ATP9B: variants seen among roughly 807,000 people sequenced by gnomAD.
ATP9B encodes the protein ATPase phospholipid transporting 9B, also known as probable phospholipid-transporting ATPase IIB.
Under a neutral mutation model 146.1 loss-of-function variants are expected in ATP9B, and 110 were observed. The ratio of observed to expected loss-of-function variants is 0.75; its 90% CI spans 0.65 to 0.88. The LOEUF (loss-of-function observed/expected upper bound fraction) is 0.88. Among genes scored for constraint, ATP9B ranks in the 40% least tolerant of loss-of-function variants. The pLI is 0.00. For missense variants in ATP9B, 1,499 were observed against 1,496.4 expected, an observed-to-expected ratio of 1.00 and a Z score of -0.03; for synonymous variants, 604 against 569.7, an observed-to-expected ratio of 1.06 and a Z score of -0.86.
intron 11 of ATP9B, among the ~76,000 whole-genome samples, chr18:79,215,106 C>T: frequency 6.8e-6 from 1 of 146,774 alleles, no homozygotes; most frequent in East Asian, 2.0e-4. Context: ...CAAGATCGCA[C>T]CATTGCACTC....
At chr18:79,105,142 G>A (rs866117137) in intron 2 of ATP9B, among the ~76,000 whole-genome samples, 4 of 152,122 alleles carry the variant, frequency 2.6e-5, no homozygotes, top group Middle Eastern at 3.2e-3. Flanking sequence ...AATCATTATG[G>A]AAATTAAACC....
chr18:79,290,014 C>G (rs112684348), intron 13 of ATP9B, among the ~76,000 whole-genome samples: 7 of 152,074 alleles, frequency 4.6e-5, no homozygotes, highest in Non-Finnish European at 5.9e-5. Context: ...AGGTGTCAGT[C>G]TGCCCCTGCT....
chr18:79,257,372 C>T (rs1206082795), intron 12 of ATP9B, among the ~76,000 whole-genome samples: 5 of 152,220 alleles, frequency 3.3e-5, no homozygotes, highest in Non-Finnish European at 7.3e-5. Flanking sequence ...GCTGATGCAC[C>T]GGCCCCTGCT....
intron 5 of ATP9B, among the ~76,000 whole-genome samples, chr18:79,142,086 C>T (rs2094521161): frequency 6.6e-6 from 1 of 152,152 alleles, no homozygotes; most frequent in Non-Finnish European, 1.5e-5. Flanking sequence ...TGTTACTGTA[C>T]TCTGTTTAGC....
chr18:79,110,262 ACAAT>A (rs2075916421), intron 2 of ATP9B, 89 bp from the exon 3 acceptor site: 10 of 1,258,918 alleles, frequency 7.9e-6, no homozygotes, highest in South Asian at 7.3e-5. Context: ...GAATACAGAA[ACAAT>A]CAATATTGAC....
intron 15 of ATP9B, among the ~76,000 whole-genome samples, chr18:79,320,843 A>G (rs918499930): frequency 6.6e-6 from 1 of 150,954 alleles, no homozygotes; most frequent in African/African-American, 2.4e-5. Context: ...ATACTAGGAA[A>G]CCTTGGGATG....
intron 13 of ATP9B, among the ~76,000 whole-genome samples, chr18:79,286,589 C>T (rs1010156330): frequency 6.6e-6 from 1 of 151,976 alleles, no homozygotes; most frequent in Non-Finnish European, 1.5e-5. Context: ...CTTCCTCTTT[C>T]CCTAATTGAA....
At chr18:79,075,942 A>C (rs542614008) in intron 1 of ATP9B, among the ~76,000 whole-genome samples, 82 of 152,070 alleles carry the variant, frequency 5.4e-4, no homozygotes, top group African/African-American at 2.0e-3. Context: ...TGTAGATATT[A>C]CTTAGTGCTA....
At chr18:79,325,221 T>G (rs1171954427) in intron 15 of ATP9B, among the ~76,000 whole-genome samples, 1 of 152,154 alleles carries the variant, frequency 6.6e-6, no homozygotes, top group Non-Finnish European at 1.5e-5. Context: ...AGATCACTTC[T>G]GCCCTCTGGG....
chr18:79,367,633 C>T (rs1249977157), intron 26 of ATP9B, among the ~76,000 whole-genome samples: 2 of 152,260 alleles, frequency 1.3e-5, no homozygotes, highest in African/African-American at 2.4e-5. Context: ...TTGGAGGCCC[C>T]GCTGGGGCAC....
rs749063439 is a variant in ATP9B, at chr18:79,126,318, C to T, written c.610C>T (p.Arg204Cys). Residue 204 changes from arginine (R) to cysteine (C), a missense_variant, in exon 5 of 30, where the codon CGT becomes TGT. Coordinates refer to ENST00000426216, the MANE Select transcript of ATP9B (RefSeq NM_198531.5). Reference sequence around the variant, plus strand: ...ACGGGAAGCAATTGATGAATTTCGGCGTTTTCAGCGTGACAAGGAAGTGAA... The same window carrying T: ...ACGGGAAGCAATTGATGAATTTCGGTGTTTTCAGCGTGACAAGGAAGTGAA... ...MTREAIDEFR[R>C]FQRDKEVNSQ... 18 of 1,611,450 alleles carry T rather than the reference C, an allele frequency of 1.1e-5. No homozygotes were observed. Among genetic ancestry groups the T allele is most frequent in the East Asian group, 2.2e-5 (1 of 44,718 alleles).
chr18:79,261,997 G>A (rs1385212892), intron 12 of ATP9B, among the ~76,000 whole-genome samples: 1 of 152,050 alleles, frequency 6.6e-6, no homozygotes, highest in African/African-American at 2.4e-5. Context: ...GTTGTGATGG[G>A]CCATTCAGCT....
At chr18:79,245,084 T>C (rs560346999) in intron 11 of ATP9B, among the ~76,000 whole-genome samples, 1 of 152,196 alleles carries the variant, frequency 6.6e-6, no homozygotes, top group South Asian at 2.1e-4. Flanking sequence ...CCCCCCACTG[T>C]CAGGATCTGC....
intron 28 of ATP9B, among the ~76,000 whole-genome samples, chr18:79,374,980 A>G (rs304914): frequency 3.2e-4 from 49 of 152,208 alleles, no homozygotes; most frequent in Admixed American, 6.5e-4. Flanking sequence ...CAAACTGGAG[A>G]CGGTATCACT....
intron 1 of ATP9B, among the ~76,000 whole-genome samples, chr18:79,093,837 C>G (rs1235615395): frequency 6.6e-6 from 1 of 152,182 alleles, no homozygotes; most frequent in Non-Finnish European, 1.5e-5. Context: ...CAAGACTGTT[C>G]AACTTTATCT....
chr18:79,072,234 G>C (rs1175258018), intron 1 of ATP9B, among the ~76,000 whole-genome samples: 2 of 151,932 alleles, frequency 1.3e-5, no homozygotes, highest in East Asian at 3.9e-4. Flanking sequence ...CAATAGTGGA[G>C]AGAAGGTCAG....
chr18:79,321,499 C>T (rs560764410), intron 15 of ATP9B, among the ~76,000 whole-genome samples: 8 of 152,210 alleles, frequency 5.3e-5, no homozygotes, highest in Admixed American at 5.2e-4. Flanking sequence ...TCTCCTGCCT[C>T]AGCCCCCCAA....
At chr18:79,366,210 G>A (rs2097027529) in intron 26 of ATP9B, among the ~76,000 whole-genome samples, 1 of 152,214 alleles carries the variant, frequency 6.6e-6, no homozygotes, top group Admixed American at 6.5e-5. Flanking sequence ...CATCCCGAGG[G>A]GGTGTGGGTG....
At chr18:79,351,292 C>T (rs1172599294) in intron 25 of ATP9B, among the ~76,000 whole-genome samples, 2 of 152,212 alleles carry the variant, frequency 1.3e-5, no homozygotes, top group African/African-American at 4.8e-5. Flanking sequence ...CTGTGCCTGC[C>T]TCACAGCCCG....
Sources: gnomAD v4.1 joint callset for allele counts (sites outside exome capture counted in the v4.1 genomes callset) on GRCh38, gnomAD v4.1.1 for gene constraint, MANE v1.5 for transcripts, NCBI Gene and HGNC (gene_info 2026-07-23, HGNC 2026-07-21) for gene names.